DICER1: variants seen among roughly 807,000 people sequenced by gnomAD.
The protein encoded by DICER1 is endoribonuclease Dicer.
DICER1 carries 43 observed loss-of-function variants against 194.1 expected under a neutral mutation model. The ratio of observed to expected loss-of-function variants is 0.22; its 90% CI spans 0.17 to 0.29. The LOEUF (loss-of-function observed/expected upper bound fraction) is 0.29. Ranked by LOEUF, DICER1 falls within the 10% of genes least tolerant of loss-of-function variation. DICER1 has a pLI of 1.00. For synonymous variants in DICER1, 832 were observed against 820.5 expected (o/e 1.01, Z -0.24); for missense variants, 1,608 against 2,317.0 (o/e 0.69, Z 6.28).
At chr14:95,119,957 T>C (rs1892799301) in intron 8 of DICER1, among the ~76,000 whole-genome samples, 1 of 152,216 alleles carries the variant, frequency 6.6e-6, no homozygotes, top group Non-Finnish European at 1.5e-5. Flanking sequence ...TGTGTATATG[T>C]ACATCTAATT....
At chr14:95,116,364 A>T (rs1892463373) in intron 10 of DICER1, 89 bp downstream of exon 10, 2 of 1,481,482 alleles carry the variant, frequency 1.3e-6, no homozygotes, top group Non-Finnish European at 1.8e-6. Flanking sequence ...AAAACTCATT[A>T]TCTGTTCCTA....
intron 21 of DICER1, among the ~76,000 whole-genome samples, chr14:95,100,999 C>T (rs1326310261): frequency 6.6e-6 from 1 of 152,094 alleles, no homozygotes; most frequent in East Asian, 1.9e-4. Flanking sequence ...GCATCACAAG[C>T]GCCAAGAAGA....
At position 95,133,423 on chromosome 14, in the gene DICER1, T is replaced by C. The variant is rs2140296470; in HGVS notation, c.36A>G (p.Ala12=). 1.9e-6 allele frequency: 3 copies of C among 1,613,978 alleles called. No homozygotes were observed. The highest frequency in any genetic ancestry group is 2.2e-5 in the East Asian group (1 of 44,882). ...AAGCAGGGGTCATGAGCTGCAGGCC[T>C]GCCATGCTGAGGGGTTGCAAAGCAG... ...KSPALQPLSM[A]GLQLMTPASS... The change falls in exon 2 of 27, where the codon GCA becomes GCG. Residue 12 remains alanine, a synonymous_variant. Transcript: ENST00000343455.
intron 21 of DICER1, among the ~76,000 whole-genome samples, 156 bp downstream of exon 21, chr14:95,103,190 C>T (rs913761883): frequency 6.6e-6 from 1 of 152,200 alleles, no homozygotes; most frequent in Admixed American, 6.5e-5. Context: ...CACAGGCTTT[C>T]GCTGGCCCTG....
rs1238708540 is a variant in DICER1, at chr14:95,123,077, C to A, written c.1376+1119G>T. 2.6e-5 allele frequency among the ~76,000 whole-genome samples: 4 copies of A among 152,106 alleles called. No individual in the cohort carries two copies. In the East Asian group the frequency reaches 7.7e-4, roughly 29 times the overall value. The stretch of plus-strand genomic sequence containing the variant: ...GATCAACTGTGGCCAATTAATGGAT[C>A]TCATAGAAAAGTAAATTGATTTAAG... On this transcript the variant is annotated intron_variant, in intron 8 of 26. Transcript: ENST00000343455.
chr14:95,150,676 T>C (rs144636074), intron 1 of DICER1, among the ~76,000 whole-genome samples: 5 of 152,328 alleles, frequency 3.3e-5, no homozygotes, highest in Non-Finnish European at 5.9e-5. Flanking sequence ...AATATTTACA[T>C]AGCCTGAAAG....
At chr14:95,120,864 G>A (rs771172082) in intron 8 of DICER1, among the ~76,000 whole-genome samples, 5 of 152,220 alleles carry the variant, frequency 3.3e-5, no homozygotes, top group Non-Finnish European at 5.9e-5. Context: ...TCTCCAGCAA[G>A]TGGAGATTAA....
In DICER1 at chr14:95,124,345, A is replaced by G. The variant is rs767824722; in HGVS notation, c.1227T>C (p.Tyr409=). 1 of 1,614,010 alleles carries G rather than the reference A, an allele frequency of 6.2e-7. No homozygotes were observed. The highest frequency in any genetic ancestry group is 1.3e-5 in the African/African-American group (1 of 75,044). The change falls in exon 8 of 27, where the codon TAT becomes TAC. Residue 409 remains tyrosine (Y), a synonymous_variant. Coordinates refer to ENST00000343455, the MANE Select transcript of DICER1 (RefSeq NM_177438.3). This position sits in a 1 kb window ranked among gnomAD's most constrained non-coding sequence, Gnocchi z 4.5. ...CATCCTCAGAATCACTCCATGACAC[A>G]TAATTATCCTGATTTCTATTATTAT... ...EWYNNRNQDN[Y]VSWSDSEDDD... is the part of the protein sequence containing the mutation.
At chr14:95,122,955 C>CAAAGAAAG (rs1893071110) in intron 8 of DICER1, among the ~76,000 whole-genome samples, 1 of 83,102 alleles carries the variant, frequency 1.2e-5, no homozygotes, top group African/African-American at 8.6e-5. Flanking sequence ...CGCGCACACA[C>CAAAGAAAG]ACACAAAGAA....
chr14:95,138,659 C>CGACCTGTAACCTT (rs1894598422), intron 1 of DICER1, among the ~76,000 whole-genome samples: 1 of 151,972 alleles, frequency 6.6e-6, no homozygotes, highest in Admixed American at 6.6e-5. Flanking sequence ...TGACTTCTGC[C>CGACCTGTAACCTT]GACCTGTAAC....
Position 95,126,637 on chromosome 14 carries a change from A to G in DICER1, c.846T>C (p.Asn282=), listed in dbSNP as rs1289583170. 4 of 1,569,612 alleles carry G rather than the reference A, an allele frequency of 2.5e-6. No homozygotes were observed. Among genetic ancestry groups the G allele is most frequent in the Non-Finnish European group, 2.6e-6 (3 of 1,139,766 alleles). ...MELEEALNFI[N]DCNISVHSKE... is the part of the protein sequence containing the mutation. ...TTGAATGTACAGATATATTACAATC[A>G]TTGATAAAATTAAGTGCTTCTTCTA... Residue 282 remains asparagine (N), a synonymous_variant, in exon 7 of 27, where the codon AAT becomes AAC. Coordinates refer to ENST00000343455, the MANE Select transcript of DICER1 (RefSeq NM_177438.3).
At position 95,139,730 on chromosome 14, in the gene DICER1, G is replaced by C. The variant is rs111245608; in HGVS notation, c.-45-6227C>G. On this transcript the variant is annotated intron_variant, in intron 1 of 26. Coordinates refer to ENST00000343455, the MANE Select transcript of DICER1 (RefSeq NM_177438.3). ...ATCAAGATATATTTCTATTCGGTTT[G>C]GAAACACACATCTATCCCACTCCTA... Among the ~76,000 whole-genome samples, 1,074 of 152,276 alleles carry C rather than the reference G, an allele frequency of 7.1e-3. 13 individuals carry two copies. Among genetic ancestry groups the C allele is most frequent in the African/African-American group, 0.025 (1,024 of 41,558 alleles).
At position 95,108,008 on chromosome 14, in the gene DICER1, T is replaced by C. The variant is rs1417502290; in HGVS notation, c.2522A>G (p.Gln841Arg). The change falls in exon 16 of 27, where the codon CAA becomes CGA. Residue 841 changes from glutamine to arginine, a missense_variant. Transcript: ENST00000343455. ...AAGTCTTGTAATCAACTCAAGCATT[T>C]GTAGAGACAACATGAAACCAGACTT... ...LKKSGFMLSL[Q>R]MLELITRLHQ... 1.3e-5 allele frequency: 21 copies of C among 1,613,622 alleles called. No homozygotes were observed. Among genetic ancestry groups the C allele is most frequent in the Non-Finnish European group, 1.8e-5 (21 of 1,179,508 alleles).
intron 1 of DICER1, among the ~76,000 whole-genome samples, chr14:95,141,425 T>C (rs1431791230): frequency 6.6e-6 from 1 of 152,242 alleles, no homozygotes; most frequent in Non-Finnish European, 1.5e-5. Flanking sequence ...AAAGTTTAAT[T>C]TGATCAACAA....
In DICER1 at chr14:95,096,049, G is replaced by A. The variant is rs1555367596; in HGVS notation, c.4871C>T (p.Ala1624Val). 1 of 1,614,218 alleles carries A rather than the reference G, an allele frequency of 6.2e-7. No individual in the cohort carries two copies. Among genetic ancestry groups the A allele is most frequent in the Non-Finnish European group, 8.5e-7 (1 of 1,180,038 alleles). The change falls in exon 23 of 27, where the codon GCT becomes GTT. Residue 1624 changes from alanine to valine, a missense_variant. Coordinates refer to ENST00000343455, the MANE Select transcript of DICER1 (RefSeq NM_177438.3). ...QKNLSVSCAAASVASSRSSVL... is the reference protein window; with the variant it reads ...QKNLSVSCAAVSVASSRSSVL... The stretch of plus-strand genomic sequence containing the variant: ...AGAAGAGCGTGAACTGGCCACAGAA[G>A]CAGCAGCACAGCTCACTGAAAGGTT...
intron 24 of DICER1, among the ~76,000 whole-genome samples, chr14:95,092,184 C>T (rs1164763959): frequency 6.6e-6 from 1 of 152,122 alleles, no homozygotes; most frequent in Non-Finnish European, 1.5e-5. Flanking sequence ...CATCAATACA[C>T]GGAAAGTCAG....
chr14:95,107,050 C>G (rs950587317), intron 17 of DICER1, among the ~76,000 whole-genome samples: 8 of 152,100 alleles, frequency 5.3e-5, no homozygotes, highest in Non-Finnish European at 1.2e-4. Flanking sequence ...TTTCCCCGAT[C>G]TGTTGCCCAG....
In DICER1 at chr14:95,113,095, A is replaced by C; in HGVS notation, c.2037T>G (p.Ile679Met). Residue 679 changes from isoleucine to methionine, a missense_variant, in exon 12 of 27, where the codon ATT becomes ATG. Ile to Met is a conservative substitution (Grantham distance 10). Transcript: ENST00000343455. ...TCATTTCTTCTTCTAAACTTACAAC[A>C]ATGGAGGCTCGAAGAGGTGAGTTAA... ...LPINSPLRAS[I>M]VGPPMSCVRL... 6.2e-7 allele frequency: 1 copy of C among 1,613,728 alleles called. No individual in the cohort carries two copies. The highest frequency in any genetic ancestry group is 1.1e-5 in the South Asian group (1 of 91,076).
At chr14:95,110,275 A>C (rs1891836458) in intron 14 of DICER1, among the ~76,000 whole-genome samples, 1 of 152,260 alleles carries the variant, frequency 6.6e-6, no homozygotes, top group South Asian at 2.1e-4. Flanking sequence ...ATTCCAGTTC[A>C]GGGCCAAGGG....
Sources: allele counts gnomAD v4.1 joint callset (sites outside exome capture counted in the v4.1 genomes callset), GRCh38; gene constraint gnomAD v4.1.1; non-coding constraint Gnocchi (gnomAD v3.1); transcripts MANE v1.5; gene names NCBI Gene and HGNC (gene_info 2026-07-23, HGNC 2026-07-21).